Variants in MRPS25 observed in about 807,000 individuals in gnomAD.
The protein encoded by MRPS25 is small ribosomal subunit protein mS25.
In MRPS25, 15 loss-of-function variants were observed where a neutral mutation model predicts 17.3. That is an observed-to-expected ratio of 0.87 (90% CI 0.58 to 1.34). MRPS25 has a LOEUF of 1.34. MRPS25 is among the 40% of genes most tolerant of loss of function. MRPS25 has a pLI of 0.00. For missense variants in MRPS25, 225 were observed against 218.6 expected, an observed-to-expected ratio of 1.03 and a Z score of -0.19; for synonymous variants, 94 against 83.3, an observed-to-expected ratio of 1.13 and a Z score of -0.70.
chr3:15,045,395 A>T (rs2042414037), downstream of MRPS25: 1 of 152,708 alleles, frequency 6.5e-6, no homozygotes, highest in African/African-American at 2.4e-5. Flanking sequence ...GGCTGTGGTG[A>T]AACAACCTTG....
intron 2 of MRPS25, among the ~76,000 whole-genome samples, chr3:15,058,356 A>G (rs1164471074): frequency 2.0e-5 from 3 of 151,958 alleles, no homozygotes; most frequent in Non-Finnish European, 4.4e-5. Context: ...CGCCCGGCTA[A>G]TTTTTTATAT....
At chr3:15,053,537 T>C (rs759717791) in intron 2 of MRPS25, 70 bp from the exon 3 acceptor site, 36 of 1,565,812 alleles carry the variant, frequency 2.3e-5, no homozygotes, top group Middle Eastern at 1.7e-4. Flanking sequence ...AAAGTTGTAA[T>C]TTGGGACTTG....
chr3:15,047,333 G>T (rs2042492085), downstream of MRPS25: 1 of 152,234 alleles, frequency 6.6e-6, no homozygotes, highest in Admixed American at 6.5e-5. Flanking sequence ...CCAGGCAGAA[G>T]AGGTTCTGAC....
At chr3:15,059,871 G>A (rs1292981855) in intron 1 of MRPS25, among the ~76,000 whole-genome samples, 1 of 151,778 alleles carries the variant, frequency 6.6e-6, no homozygotes, top group Non-Finnish European at 1.5e-5. Flanking sequence ...TTAAAATAAT[G>A]AGACCAATGT....
chr3:15,043,109 G>A (rs1341304208), downstream of MRPS25: 5 of 1,133,396 alleles, frequency 4.4e-6, no homozygotes, highest in Non-Finnish European at 6.0e-6. Context: ...ATTTCCATAT[G>A]TTAGCCATTT....
intron 1 of MRPS25, 88 bp downstream of exon 1, chr3:15,064,973 G>T: frequency 6.7e-7 from 1 of 1,493,122 alleles, no homozygotes; most frequent in Non-Finnish European, 9.0e-7. Context: ...ATGAACGGCC[G>T]CCCAGAGCGA....
intron 2 of MRPS25, among the ~76,000 whole-genome samples, chr3:15,055,505 G>A (rs548405640): frequency 6.6e-6 from 1 of 152,236 alleles, no homozygotes; most frequent in African/African-American, 2.4e-5. Context: ...CTCATAGGTC[G>A]CTAGTAGAAA....
chr3:15,052,354 C>A lies in MRPS25; in HGVS notation c.*87G>T. On this transcript the variant is annotated 3_prime_UTR_variant, in exon 4 of 4. Transcript: ENST00000253686. ...ATTTCCAGAGTCTCCAGGGACAGAA[C>A]CAGGGGCTTCCCTGGGCCAAAGTAA... is the stretch of plus-strand genomic sequence containing the variant. 2 of 1,528,322 alleles carry A rather than the reference C, an allele frequency of 1.3e-6. No homozygotes were observed. Among genetic ancestry groups the A allele is most frequent in the Non-Finnish European group, 8.8e-7 (1 of 1,138,292 alleles). 94.7% of individuals were successfully genotyped at this position (1,528,322 alleles called of 1,614,324 possible).
In MRPS25 at chr3:15,065,170, T is replaced by A. The variant is rs1403502609; in HGVS notation, c.25A>T (p.Ile9Phe). ...CTCAGATATTGCAGGGTGCGGCGGA[T>A]GGGGAAGCGGCCCTTCATGGGCATG... Reference protein sequence around the residue: MPMKGRFPIRRTLQYLSQG... With the variant: MPMKGRFPFRRTLQYLSQG... Residue 9 changes from isoleucine to phenylalanine, a missense_variant, in exon 1 of 4, where the codon ATC becomes TTC. By Grantham distance (21) the Ile-to-Phe change is conservative (BLOSUM62 0). Transcript: ENST00000253686. 1.9e-6 allele frequency: 3 copies of A among 1,605,658 alleles called. No individual in the cohort carries two copies. Among genetic ancestry groups the A allele is most frequent in the Admixed American group, 1.7e-5 (1 of 59,140 alleles).
At chr3:15,053,152 G>T in intron 3 of MRPS25, 1 of 966,560 alleles carries the variant, frequency 1.0e-6, no homozygotes, top group Non-Finnish European at 1.4e-6. Context: ...GAGGGAGAGA[G>T]GTACTTCTCA....
downstream of MRPS25, chr3:15,048,411 T>C (rs1368065259): frequency 3.3e-5 from 5 of 152,626 alleles, no homozygotes; most frequent in Admixed American, 1.3e-4. Context: ...ATAATTAAAG[T>C]GTGAGCTTAA....
chr3:15,053,138 G>A lies in MRPS25; in HGVS notation c.329+242C>T, dbSNP rs147988769. ...GCTGCATTTCAGCTTCCCGTCCCCC[G>A]CAAGAGGGAGAGAGGTACTTCTCAC... On this transcript the variant is annotated intron_variant, in intron 3 of 3. Coordinates refer to ENST00000253686, the MANE Select transcript of MRPS25 (RefSeq NM_022497.5). 4.4e-3 allele frequency among the ~76,000 whole-genome samples: 674 copies of A among 152,268 alleles called. 1 individual carries two copies. The highest frequency in any genetic ancestry group is 0.015 in the African/African-American group (641 of 41,568).
downstream of MRPS25, chr3:15,043,046 T>G: frequency 6.4e-7 from 1 of 1,573,462 alleles, no homozygotes; most frequent in African/African-American, 1.4e-5. Context: ...ACAGAATCCT[T>G]CCAGGACCGT....
In MRPS25 at chr3:15,049,425, G is replaced by C. The variant is rs1158434508; in HGVS notation, c.*3016C>G. 1 of 168,632 alleles carries C rather than the reference G, an allele frequency of 5.9e-6. No homozygotes were observed. The highest frequency in any genetic ancestry group is 6.4e-5 in the Admixed American group (1 of 15,530). The allele number at this position is 168,632 out of a possible 1,614,324, so 10.4% of individuals were successfully genotyped here. A position where few individuals can be genotyped will look rare whatever the true frequency, so the allele number is the denominator to read the frequency against. Reference sequence around the variant, plus strand: ...TACCTTAGCCTTAGCGGCCAAGAGGGATTGGGCCCTCTGTGGTCCACTGGA... The same window carrying C: ...TACCTTAGCCTTAGCGGCCAAGAGGCATTGGGCCCTCTGTGGTCCACTGGA... On this transcript the variant is annotated 3_prime_UTR_variant, in exon 4 of 4. Transcript: ENST00000253686.
chr3:15,042,909 T>G (rs748445811), downstream of MRPS25: 2 of 1,614,088 alleles, frequency 1.2e-6, no homozygotes, highest in African/African-American at 1.3e-5. Context: ...TTTTTTTTAC[T>G]GGTCTCATTG....
rs1414860786 is a variant in MRPS25, at chr3:15,048,584, T to C, written c.*3857A>G. 1 of 152,658 alleles carries C rather than the reference T, an allele frequency of 6.6e-6. No homozygotes were observed. Among genetic ancestry groups the C allele is most frequent in the Non-Finnish European group, 1.5e-5 (1 of 68,040 alleles). The allele number at this position is 152,658 out of a possible 1,614,324, so 9.5% of individuals were successfully genotyped here. On this transcript the variant is annotated 3_prime_UTR_variant, in exon 4 of 4. Transcript: ENST00000253686. ...TAATGTTTGGAATAACATTTGGAAG[T>C]AGTAGACTTTGCATTAAAAAATGGC...
chr3:15,044,433 A>G (rs2042380151), downstream of MRPS25: 1 of 152,170 alleles, frequency 6.6e-6, no homozygotes, highest in Admixed American at 6.5e-5. Flanking sequence ...TGTAGCAACC[A>G]GAGTTTACAG....
At chr3:15,060,844 G>A (rs1489395372) in intron 1 of MRPS25, among the ~76,000 whole-genome samples, 1 of 152,094 alleles carries the variant, frequency 6.6e-6, no homozygotes, top group African/African-American at 2.4e-5. Flanking sequence ...TCGCGCCACT[G>A]CACTCTAGCC....
intron 1 of MRPS25, among the ~76,000 whole-genome samples, chr3:15,062,376 G>A (rs1373707763): frequency 3.5e-5 from 1 of 28,794 alleles, no homozygotes; most frequent in African/African-American, 1.2e-4. Flanking sequence ...CGGCCAGGCC[G>A]CCCCGTCCGG....
Sources: gnomAD v4.1 joint callset for allele counts (sites outside exome capture counted in the v4.1 genomes callset) on GRCh38, gnomAD v4.1.1 for gene constraint, MANE v1.5 for transcripts, NCBI Gene and HGNC (gene_info 2026-07-23, HGNC 2026-07-21) for gene names.